Variants in ANKFN1 observed in about 807,000 individuals in gnomAD.
ANKFN1 encodes ankyrin repeat and fibronectin type-III domain-containing protein 1.
ANKFN1 carries 74 observed loss-of-function variants against 108.7 expected under a neutral mutation model. The ratio of observed to expected loss-of-function variants is 0.68; its 90% CI spans 0.56 to 0.83. ANKFN1 has a LOEUF of 0.83. Ranked by LOEUF, ANKFN1 falls within the 40% of genes least tolerant of loss-of-function variation. ANKFN1 has a pLI of 0.00. For synonymous variants in ANKFN1, 547 were observed against 516.2 expected, an observed-to-expected ratio of 1.06 and a Z score of -0.81; for missense variants, 1,505 against 1,382.3, an observed-to-expected ratio of 1.09 and a Z score of -1.41.
At chr17:56,259,956 A>G (rs1394205280) in intron 3 of ANKFN1, among the ~76,000 whole-genome samples, 1 of 149,778 alleles carries the variant, frequency 6.7e-6, no homozygotes, top group East Asian at 2.0e-4. Flanking sequence ...ACTCTTTTCA[A>G]ATTACTAAAA....
intron 8 of ANKFN1, among the ~76,000 whole-genome samples, chr17:56,420,694 T>A (rs2048375921): frequency 6.6e-6 from 1 of 150,720 alleles, no homozygotes; most frequent in Non-Finnish European, 1.5e-5. Flanking sequence ...TTTTTTTTTT[T>A]TTTTTTTTTA....
intron 3 of ANKFN1, among the ~76,000 whole-genome samples, chr17:56,281,486 C>G (rs767545865): frequency 6.6e-6 from 1 of 151,974 alleles, no homozygotes; most frequent in Admixed American, 6.6e-5. Flanking sequence ...AGACTTCAAA[C>G]AGGACACAAA....
intron 4 of ANKFN1, among the ~76,000 whole-genome samples, chr17:56,094,685 T>TTTG (rs1905495936): frequency 6.7e-6 from 1 of 148,206 alleles, no homozygotes; most frequent in Non-Finnish European, 1.5e-5. Flanking sequence ...GTTTTTTTTT[T>TTTG]TTTTTTTTGT....
intron 3 of ANKFN1, among the ~76,000 whole-genome samples, chr17:56,286,713 T>C (rs1291526422): frequency 6.6e-6 from 1 of 152,088 alleles, no homozygotes; most frequent in East Asian, 1.9e-4. Flanking sequence ...CCATATTACA[T>C]TGATCAAGGA....
chr17:56,424,777 C>T (rs1280087914), intron 8 of ANKFN1, among the ~76,000 whole-genome samples: 1 of 152,080 alleles, frequency 6.6e-6, no homozygotes, highest in African/African-American at 2.4e-5. Context: ...TTTCAGCAGC[C>T]CCTGTGGTAA....
intron 4 of ANKFN1, among the ~76,000 whole-genome samples, chr17:56,105,570 TTTCTTCC>T: frequency 6.6e-6 from 1 of 152,024 alleles, no homozygotes; most frequent in Non-Finnish European, 1.5e-5. Flanking sequence ...CCTCTCTCTA[TTTCTTCC>T]TTCTTTTCTT....
chr17:56,424,434 C>T (rs1665879094), intron 8 of ANKFN1, among the ~76,000 whole-genome samples: 1 of 152,194 alleles, frequency 6.6e-6, no homozygotes, highest in Non-Finnish European at 1.5e-5. Context: ...AAAGCCTTAA[C>T]TTCACCTCTA....
At chr17:56,470,778 A>G (rs1460115100) in intron 15 of ANKFN1, among the ~76,000 whole-genome samples, 1 of 152,184 alleles carries the variant, frequency 6.6e-6, no homozygotes, top group Non-Finnish European at 1.5e-5. Context: ...CCAGGCCTTC[A>G]AAAGAGGCCT....
intron 13 of ANKFN1, 39 bp downstream of exon 13, chr17:56,457,428 C>T (rs2145237469): frequency 6.5e-7 from 1 of 1,538,050 alleles, no homozygotes; most frequent in African/African-American, 1.4e-5. Flanking sequence ...CTACTTTGTA[C>T]CAATGTTACT....
At chr17:56,094,836 T>G (rs1368305708) in intron 4 of ANKFN1, among the ~76,000 whole-genome samples, 2 of 150,930 alleles carry the variant, frequency 1.3e-5, no homozygotes, top group Non-Finnish European at 3.0e-5. Context: ...TTCTATTAAA[T>G]GGATTCCAAT....
chr17:56,101,004 A>T (rs566739268), intron 4 of ANKFN1, among the ~76,000 whole-genome samples: 9 of 152,232 alleles, frequency 5.9e-5, no homozygotes, highest in African/African-American at 1.9e-4. Flanking sequence ...TTTGGGACGT[A>T]ATCAGATTAG....
intron 1 of ANKFN1, among the ~76,000 whole-genome samples, chr17:56,185,755 G>A (rs1912136456): frequency 6.6e-6 from 1 of 152,146 alleles, no homozygotes; most frequent in Admixed American, 6.5e-5. Flanking sequence ...ATGTGGACTT[G>A]TACCAATCTA....
chr17:56,123,871 G>A (rs1435456893), intron 4 of ANKFN1, among the ~76,000 whole-genome samples: 1 of 151,318 alleles, frequency 6.6e-6, no homozygotes, highest in Non-Finnish European at 1.5e-5. Context: ...GAGAGACTGT[G>A]CAAGTCACTG....
rs1244013476 is a variant in ANKFN1, at chr17:56,189,179, T to TTTTTTTTTTTTTTTTTTTTTG, written c.-70-23410_-70-23409insTTTTTTTTTTTGTTTTTTTTT. On this transcript the variant is annotated intron_variant, in intron 1 of 20. Transcript: ENST00000682825. The stretch of plus-strand genomic sequence containing the variant: ...GTAAATGTTGCCCTGACTTTTTTTT[T>TTTTTTTTTTTTTTTTTTTTTG]TTTTTTTTTGAGACGGAGTCTCGCT... Among the ~76,000 whole-genome samples the TTTTTTTTTTTTTTTTTTTTTG allele has an allele frequency of 2.4e-3, 263 of 111,312 alleles. 7 individuals carry two copies. The highest frequency in any genetic ancestry group is 2.6e-3 in the Non-Finnish European group (157 of 60,532). 73.0% of individuals were successfully genotyped at this position (111,312 alleles called of 152,430 possible).
intron 3 of ANKFN1, among the ~76,000 whole-genome samples, chr17:56,302,422 G>A (rs1488740191): frequency 6.6e-6 from 1 of 151,520 alleles, no homozygotes; most frequent in Admixed American, 6.6e-5. Context: ...GGCTGAGGTG[G>A]GAGGATTGCT....
At chr17:56,241,302 CA>C (rs545334754) in intron 3 of ANKFN1, among the ~76,000 whole-genome samples, 6 of 151,388 alleles carry the variant, frequency 4.0e-5, no homozygotes, top group African/African-American at 1.5e-4. Context: ...AATAAAACAA[CA>C]AAAAAAAGAA....
chr17:56,162,205 G>A (rs1909721365), intron 1 of ANKFN1, among the ~76,000 whole-genome samples: 1 of 152,138 alleles, frequency 6.6e-6, no homozygotes, highest in African/African-American at 2.4e-5. Context: ...AATTTAAAAT[G>A]TCCACATTAT....
rs187111192 is a variant in ANKFN1 at position 56,160,300 on chromosome 17, G to A, written c.-71+6770G>A. On this transcript the variant is annotated intron_variant, in intron 1 of 20. Coordinates refer to ENST00000682825, the MANE Select transcript of ANKFN1 (RefSeq NM_001370326.1). ...AGGAATTGGTGTAGTGGAGAGAAAG[G>A]TAAATGATAAAAATTACAAACTCTG... 8.5e-5 allele frequency among the ~76,000 whole-genome samples: 13 copies of A among 152,324 alleles called. 1 individual carries two copies. Among genetic ancestry groups the A allele is most frequent in the South Asian group, 6.2e-4 (3 of 4,834 alleles).
chr17:56,333,202 A>G (rs996978761), intron 4 of ANKFN1, among the ~76,000 whole-genome samples: 10 of 152,070 alleles, frequency 6.6e-5, no homozygotes, highest in Admixed American at 3.3e-4. Flanking sequence ...TGCCCAGTAC[A>G]ATAGAAAAAG....
Sources: gnomAD v4.1 joint callset for allele counts (sites outside exome capture counted in the v4.1 genomes callset) on GRCh38, gnomAD v4.1.1 for gene constraint, MANE v1.5 for transcripts, NCBI Gene and HGNC (gene_info 2026-07-23, HGNC 2026-07-21) for gene names.